MAD1L1: variants seen among roughly 807,000 people sequenced by gnomAD.
MAD1L1 encodes mitotic spindle assembly checkpoint protein MAD1.
Under a neutral mutation model 96.9 loss-of-function variants are expected in MAD1L1, and 95 were observed. That is an observed-to-expected ratio of 0.98 (90% CI 0.83 to 1.16). MAD1L1 has a LOEUF of 1.16. MAD1L1 is among the 50% of genes most tolerant of loss of function. The pLI is 0.00. For missense variants in MAD1L1, 1,007 were observed against 954.4 expected, an observed-to-expected ratio of 1.06 and a Z score of -0.73; for synonymous variants, 473 against 396.6, an observed-to-expected ratio of 1.19 and a Z score of -2.29.
At chr7:1,876,911 C>T (rs1482522462) in intron 18 of MAD1L1, among the ~76,000 whole-genome samples, 1 of 122,310 alleles carries the variant, frequency 8.2e-6, no homozygotes, top group African/African-American at 2.8e-5. Context: ...GTTCCATCTC[C>T]AGGCCCCCCG....
intron 10 of MAD1L1, among the ~76,000 whole-genome samples, chr7:2,153,455 C>T (rs1789677276): frequency 6.6e-6 from 1 of 152,180 alleles, no homozygotes; most frequent in African/African-American, 2.4e-5. Flanking sequence ...GTCAACATCA[C>T]TAATCATCGG....
chr7:2,022,205 G>A (rs1782818529), intron 12 of MAD1L1, among the ~76,000 whole-genome samples: 1 of 152,216 alleles, frequency 6.6e-6, no homozygotes, highest in Admixed American at 6.5e-5. Context: ...GTGCAGGGAT[G>A]GGTGAAATGA....
rs562835993 is a variant in MAD1L1, at chr7:2,063,076, G to A, written c.1218+6118C>T. On this transcript the variant is annotated intron_variant, in intron 12 of 18. Coordinates refer to ENST00000265854, the MANE Select transcript of MAD1L1 (RefSeq NM_001013836.2). ...AGGGACTGCTCTACGTTTAGAGCAC[G>A]GCTCCGTCTGACAGCGGAGGCTGTT... Among the ~76,000 whole-genome samples, 12 of 152,320 alleles carry A rather than the reference G, an allele frequency of 7.9e-5. No homozygotes were observed. The East Asian group carries it at 1.3e-3, about 17-fold the overall frequency.
At chr7:1,864,107 G>A (rs918658750) in intron 18 of MAD1L1, among the ~76,000 whole-genome samples, 2 of 152,212 alleles carry the variant, frequency 1.3e-5, no homozygotes, top group African/African-American at 4.8e-5. Context: ...GGCCAGGATG[G>A]GGACGGGGCG....
intron 11 of MAD1L1, among the ~76,000 whole-genome samples, chr7:2,116,640 C>T (rs1307415477): frequency 6.6e-6 from 1 of 151,426 alleles, no homozygotes; most frequent in Non-Finnish European, 1.5e-5. Flanking sequence ...AGTAACAGGC[C>T]ATGTGTCATA....
intron 11 of MAD1L1, among the ~76,000 whole-genome samples, chr7:2,106,532 C>G (rs1584335902): frequency 6.6e-6 from 1 of 152,152 alleles, no homozygotes; most frequent in South Asian, 2.1e-4. Context: ...AAGGAGGACA[C>G]GTGAGCTCCA....
intron 18 of MAD1L1, chr7:1,838,473 C>G: frequency 3.5e-6 from 1 of 288,568 alleles, no homozygotes; most frequent in South Asian, 3.6e-5. Flanking sequence ...ATGGTCTATC[C>G]ACACACTAGA....
intron 11 of MAD1L1, among the ~76,000 whole-genome samples, chr7:2,082,561 C>T (rs1785707614): frequency 6.6e-6 from 1 of 152,206 alleles, no homozygotes; most frequent in Non-Finnish European, 1.5e-5. Context: ...GGGAGTGCAG[C>T]ACTCTAGAGA....
chr7:2,153,726 T>G (rs1241186624), intron 10 of MAD1L1, among the ~76,000 whole-genome samples: 1 of 152,190 alleles, frequency 6.6e-6, no homozygotes, highest in Non-Finnish European at 1.5e-5. Context: ...AATCACTGTA[T>G]CAAAAAGATA....
chr7:2,160,632 C>T (rs1790059756), intron 10 of MAD1L1, among the ~76,000 whole-genome samples: 1 of 150,014 alleles, frequency 6.7e-6, no homozygotes, highest in Non-Finnish European at 1.5e-5. Context: ...CGCCCCCGGC[C>T]TATTTTTTTT....
intron 14 of MAD1L1, among the ~76,000 whole-genome samples, chr7:1,998,252 AAG>A (rs1261849082): frequency 6.6e-6 from 1 of 151,972 alleles, no homozygotes; most frequent in Non-Finnish European, 1.5e-5. Context: ...CTCCCCACAA[AAG>A]AGGACTGGAG....
intron 16 of MAD1L1, among the ~76,000 whole-genome samples, chr7:1,957,392 C>A (rs906117033): frequency 1.1e-4 from 17 of 152,250 alleles, no homozygotes; most frequent in African/African-American, 3.6e-4. Flanking sequence ...GCCCACTCCA[C>A]CGACACCAGG....
chr7:2,112,845 T>G (rs555361532), intron 11 of MAD1L1, among the ~76,000 whole-genome samples: 1 of 150,814 alleles, frequency 6.6e-6, no homozygotes, highest in East Asian at 2.0e-4. Context: ...TAGAGCATCC[T>G]GCAGTGCCAG....
intron 18 of MAD1L1, among the ~76,000 whole-genome samples, chr7:1,816,454 G>A (rs1351178741): frequency 1.3e-5 from 2 of 152,186 alleles, no homozygotes; most frequent in Non-Finnish European, 2.9e-5. Flanking sequence ...CATCTACCCA[G>A]GCAGTTGGGG....
At position 1,903,999 on chromosome 7, in the gene MAD1L1, C is replaced by T. The variant is rs370023857; in HGVS notation, c.1808-5609G>A. On this transcript the variant is annotated intron_variant, in intron 17 of 18. Coordinates refer to ENST00000265854, the MANE Select transcript of MAD1L1 (RefSeq NM_001013836.2). ...ATTGATGAAGCACTGTTCCAGGCAGCGAGGACGCAGTGGCCTATGGAAGAC... is the reference window on the plus strand; with the variant it reads ...ATTGATGAAGCACTGTTCCAGGCAGTGAGGACGCAGTGGCCTATGGAAGAC... Among the ~76,000 whole-genome samples, 46 of 114,098 alleles carry T rather than the reference C, an allele frequency of 4.0e-4. 1 individual carries two copies. Among genetic ancestry groups the T allele is most frequent in the East Asian group, 1.0e-3 (3 of 2,858 alleles). The allele number at this position is 114,098 out of a possible 152,430, so 74.9% of individuals were successfully genotyped here.
chr7:2,160,107 T>C (rs1404987567), intron 10 of MAD1L1, among the ~76,000 whole-genome samples: 1 of 151,784 alleles, frequency 6.6e-6, no homozygotes, highest in Admixed American at 6.6e-5. Context: ...GGGGAGTGCC[T>C]ATAGTCCCAG....
rs530285307 is a variant in MAD1L1, at chr7:2,119,923, C to T, written c.1073+29229G>A. Among the ~76,000 whole-genome samples, 63 of 152,254 alleles carry T rather than the reference C, an allele frequency of 4.1e-4. No individual in the cohort carries two copies. The highest frequency in any genetic ancestry group is 1.4e-3 in the African/African-American group (57 of 41,542). ...CAGGAGCTCCTTATTCCCTGAAAGCCGCCCTCAGCATCCTCCTCACTCCAC... is the reference window on the plus strand; with the variant it reads ...CAGGAGCTCCTTATTCCCTGAAAGCTGCCCTCAGCATCCTCCTCACTCCAC... On this transcript the variant is annotated intron_variant, in intron 11 of 18. Transcript: ENST00000265854. The surrounding 1 kb of genome is among the most constrained non-coding windows in gnomAD (Gnocchi z 4.6).
rs747972191 is a variant in MAD1L1 at position 1,957,532 on chromosome 7, C to G, written c.1596+97G>C. On this transcript the variant is annotated intron_variant, in intron 16 of 18. Coordinates refer to ENST00000265854, the MANE Select transcript of MAD1L1 (RefSeq NM_001013836.2). ...GAGTTCAGACAGACGAGCCAGAAAA[C>G]GGGTGTTCTGTGGCAGCAGGAACCA... The G allele has an allele frequency of 1.6e-5, 19 of 1,189,404 alleles. No individual in the cohort carries two copies. The African/African-American group carries it at 2.9e-4, about 18-fold the overall frequency. 73.7% of individuals were successfully genotyped at this position (1,189,404 alleles called of 1,614,324 possible).
rs548944139 is a variant in MAD1L1 at position 2,054,212 on chromosome 7, T to G, written c.1218+14982A>C. Among the ~76,000 whole-genome samples, 6 of 152,352 alleles carry G rather than the reference T, an allele frequency of 3.9e-5. No individual in the cohort carries two copies. The East Asian group carries it at 7.7e-4, about 20-fold the overall frequency. ...ACCCATGGGCGGGTGGGGACAGGAC[T>G]GTGGTCTTTTCAAAGAGCCAAGAGT... is the stretch of plus-strand genomic sequence containing the variant. On this transcript the variant is annotated intron_variant, in intron 12 of 18. Coordinates refer to ENST00000265854, the MANE Select transcript of MAD1L1 (RefSeq NM_001013836.2).
Sources: allele counts gnomAD v4.1 joint callset (sites outside exome capture counted in the v4.1 genomes callset), GRCh38; gene constraint gnomAD v4.1.1; non-coding constraint Gnocchi (gnomAD v3.1); transcripts MANE v1.5; gene names NCBI Gene and HGNC (gene_info 2026-07-23, HGNC 2026-07-21).